The following IL1RAPL1 variants were observed in gnomAD, a reference collection of about 807,000 sequenced individuals.
IL1RAPL1 encodes interleukin-1 receptor accessory protein-like 1.
IL1RAPL1 carries 3 observed loss-of-function variants against 48.4 expected under a neutral mutation model. The ratio of observed to expected loss-of-function variants is 0.06; its 90% CI spans 0.03 to 0.16. The LOEUF is 0.16. Ranked by LOEUF, IL1RAPL1 falls within the 10% of genes least tolerant of loss-of-function variation. The probability of loss-of-function intolerance (pLI) is 1.00; values close to 1 mark genes in which losing one functional copy is unlikely to be tolerated. For missense variants in IL1RAPL1, 349 were observed against 530.6 expected (o/e 0.66, Z 3.36); for synonymous variants, 185 against 187.7 (o/e 0.99, Z 0.12).
chrX:28,870,120 T>C (rs780938171), intron 2 of IL1RAPL1, among the ~76,000 whole-genome samples: 4 of 111,729 alleles, frequency 3.6e-5, no homozygotes, highest in Non-Finnish European at 7.5e-5. Flanking sequence ...ATTATGGATA[T>C]ACATTCATCA....
chrX:28,805,040 T>C (rs142792341), intron 2 of IL1RAPL1, among the ~76,000 whole-genome samples: 36 of 110,234 alleles, frequency 3.3e-4, no homozygotes, highest in African/African-American at 8.2e-4. Flanking sequence ...TCAGGAACCA[T>C]TGAAGAAATT....
intron 2 of IL1RAPL1, among the ~76,000 whole-genome samples, chrX:29,172,141 A>G (rs1356548445): frequency 2.2e-4 from 25 of 112,726 alleles, no homozygotes; most frequent in African/African-American, 8.0e-4. Context: ...TCAAAAGGTT[A>G]AGTTAGCTGT....
intron 6 of IL1RAPL1, among the ~76,000 whole-genome samples, chrX:29,898,166 A>G (rs1932424796): frequency 8.9e-6 from 1 of 112,191 alleles, no homozygotes; most frequent in South Asian, 3.7e-4. Flanking sequence ...ACAGTGATAT[A>G]AAAAATACTA....
chrX:29,154,551 T>C (rs1929530766), intron 2 of IL1RAPL1, among the ~76,000 whole-genome samples: 1 of 108,602 alleles, frequency 9.2e-6, no homozygotes, highest in South Asian at 3.9e-4. Flanking sequence ...AAAAAAAAAA[T>C]TGTGGAGTCC....
intron 2 of IL1RAPL1, among the ~76,000 whole-genome samples, chrX:28,875,425 A>G: frequency 8.9e-6 from 1 of 112,663 alleles, no homozygotes; most frequent in East Asian, 2.8e-4. Flanking sequence ...ACATTGTAGT[A>G]ATGAACAGCC....
intron 6 of IL1RAPL1, among the ~76,000 whole-genome samples, chrX:29,737,672 A>G (rs1225726097): frequency 1.8e-5 from 2 of 112,293 alleles, no homozygotes; most frequent in African/African-American, 6.5e-5. Flanking sequence ...GTCTTTAACC[A>G]AGAGCCGGGA....
chrX:29,818,942 G>A (rs1382132083), intron 6 of IL1RAPL1, among the ~76,000 whole-genome samples: 5 of 111,912 alleles, frequency 4.5e-5, no homozygotes. Context: ...AGAGACAACC[G>A]TGGCTAATTC....
intron 6 of IL1RAPL1, among the ~76,000 whole-genome samples, chrX:29,733,066 G>A (rs1308809036): frequency 9.0e-6 from 1 of 111,285 alleles, no homozygotes; most frequent in Non-Finnish European, 1.9e-5. Flanking sequence ...GATGAGAGGG[G>A]AGGGAAAGGG....
intron 2 of IL1RAPL1, among the ~76,000 whole-genome samples, chrX:29,013,065 G>A (rs1286482245): frequency 9.0e-6 from 1 of 111,459 alleles, no homozygotes; most frequent in Non-Finnish European, 1.9e-5. Flanking sequence ...GCTGAAACTG[G>A]TCCTGTCAAA....
chrX:29,421,321 C>G (rs972155623), intron 5 of IL1RAPL1, among the ~76,000 whole-genome samples: 2 of 110,709 alleles, frequency 1.8e-5, no homozygotes, highest in East Asian at 5.7e-4. Context: ...CCAAACGAAT[C>G]CCAGGGTTAC....
chrX:29,236,909 A>C (rs907889232), intron 2 of IL1RAPL1, among the ~76,000 whole-genome samples: 3 of 109,257 alleles, frequency 2.7e-5, no homozygotes, highest in African/African-American at 1.0e-4. Context: ...TTTCAAGGTC[A>C]CAACTGCAAT....
chrX:29,465,747 A>G (rs926437124), intron 5 of IL1RAPL1, among the ~76,000 whole-genome samples: 1 of 111,206 alleles, frequency 9.0e-6, no homozygotes, highest in African/African-American at 3.3e-5. Flanking sequence ...TCAACTGCCC[A>G]TTGGAATCAT....
At chrX:28,939,942 T>G (rs1924123588) in intron 2 of IL1RAPL1, among the ~76,000 whole-genome samples, 1 of 111,523 alleles carries the variant, frequency 9.0e-6, no homozygotes. Flanking sequence ...ATTTGCTGAT[T>G]AATCAGCCCA....
At chrX:28,706,221 C>T (rs1935371872) in intron 1 of IL1RAPL1, among the ~76,000 whole-genome samples, 1 of 111,472 alleles carries the variant, frequency 9.0e-6, no homozygotes, top group African/African-American at 3.3e-5. Context: ...CATTGTGTTG[C>T]AATTGCCTAC....
intron 1 of IL1RAPL1, among the ~76,000 whole-genome samples, chrX:28,605,727 C>T (rs1458623937): frequency 9.0e-6 from 1 of 111,672 alleles, no homozygotes; most frequent in Non-Finnish European, 1.9e-5. Flanking sequence ...CTTATAATGG[C>T]CTAAGGAAAT....
chrX:29,452,797 G>A (rs888991498), intron 5 of IL1RAPL1, among the ~76,000 whole-genome samples: 3 of 110,696 alleles, frequency 2.7e-5, no homozygotes, highest in African/African-American at 9.9e-5. Flanking sequence ...CAAAAAGTAC[G>A]ATTAAATTAA....
chrX:28,945,528 C>T (rs995546794), intron 2 of IL1RAPL1, among the ~76,000 whole-genome samples: 2 of 110,050 alleles, frequency 1.8e-5, no homozygotes, highest in South Asian at 3.8e-4. Flanking sequence ...CATGTTCTCA[C>T]TCATAAATGG....
At chrX:29,379,316 C>T (rs111534598) in intron 3 of IL1RAPL1, among the ~76,000 whole-genome samples, 1,429 of 112,069 alleles carry the variant, frequency 0.013, 16 homozygotes, top group Non-Finnish European at 0.016. Flanking sequence ...GGAGAGCCTG[C>T]GAAGTAGACA....
At position 28,609,578 on chromosome X, in the gene IL1RAPL1, T is replaced by C. The variant is rs143990730; in HGVS notation, c.-25+21531T>C. ...AATCAGATTCAACAGAGTTCTTTTT[T>C]GGCTTCATTTCTCACTTTGATCAAA... On this transcript the variant is annotated intron_variant, in intron 1 of 10. Transcript: ENST00000378993. Among the ~76,000 whole-genome samples the C allele has an allele frequency of 8.5e-3, 917 of 107,459 alleles. 10 individuals are homozygous for C. Among genetic ancestry groups the C allele is most frequent in the African/African-American group, 0.029 (864 of 29,422 alleles). The allele number at this position is 107,459 out of a possible 115,157, so 93.3% of individuals were successfully genotyped here.
Sources: gnomAD v4.1 joint callset for allele counts (sites outside exome capture counted in the v4.1 genomes callset) on GRCh38, gnomAD v4.1.1 for gene constraint, MANE v1.5 for transcripts, NCBI Gene and HGNC (gene_info 2026-07-23, HGNC 2026-07-21) for gene names.